Variants in CLEC4A observed in about 807,000 individuals in gnomAD.
CLEC4A encodes the protein C-type lectin domain family 4 member A.
In CLEC4A, 27 loss-of-function variants were observed where a neutral mutation model predicts 32.7. That is an observed-to-expected ratio of 0.83 (90% CI 0.61 to 1.14). CLEC4A has a LOEUF of 1.14. Ranked by LOEUF, CLEC4A falls within the 50% of genes most tolerant of loss-of-function variation. The probability of loss-of-function intolerance (pLI) is 0.00; values close to 1 mark genes in which losing one functional copy is unlikely to be tolerated. For missense variants in CLEC4A, 253 were observed against 274.6 expected, an observed-to-expected ratio of 0.92 and a Z score of 0.55; for synonymous variants, 89 against 93.7, an observed-to-expected ratio of 0.95 and a Z score of 0.29.
chr12:8,129,116 A>G (rs769875121), intron 2 of CLEC4A, 148 bp from the exon 3 acceptor site: 1 of 582,852 alleles, frequency 1.7e-6, no homozygotes, highest in South Asian at 2.1e-5. Flanking sequence ...AGAGATATCT[A>G]TAGTTTCAGT....
the CLEC4A span, among the ~76,000 whole-genome samples, chr12:8,109,598 G>A: frequency 6.6e-6 from 1 of 152,178 alleles, no homozygotes; most frequent in African/African-American, 2.4e-5. Flanking sequence ...CTTCTGTAAT[G>A]CCAGTGCTTT....
At chr12:8,115,864 C>T in the CLEC4A span, among the ~76,000 whole-genome samples, 2 of 152,114 alleles carry the variant, frequency 1.3e-5, no homozygotes, top group Non-Finnish European at 2.9e-5. Context: ...TCACAACTCA[C>T]TGCAGCCTCA....
chr12:8,129,689 G>A (rs1947963186), intron 3 of CLEC4A, among the ~76,000 whole-genome samples: 1 of 152,176 alleles, frequency 6.6e-6, no homozygotes, highest in East Asian at 1.9e-4. Context: ...TACTCGGGAG[G>A]CTGAGGCAGG....
chr12:8,131,721 T>A (rs1358386728), intron 3 of CLEC4A, among the ~76,000 whole-genome samples: 1 of 152,076 alleles, frequency 6.6e-6, no homozygotes, highest in African/African-American at 2.4e-5. Context: ...TCTATATAAT[T>A]TATTTGAAAT....
chr12:8,109,540 T>C, the CLEC4A span, among the ~76,000 whole-genome samples: 4 of 152,278 alleles, frequency 2.6e-5, no homozygotes, highest in Non-Finnish European at 4.4e-5. Context: ...TATTGTGACT[T>C]TAAAACAAAT....
At chr12:8,136,053 A>T (rs1033633157) in intron 4 of CLEC4A, among the ~76,000 whole-genome samples, 1 of 152,190 alleles carries the variant, frequency 6.6e-6, no homozygotes, top group Non-Finnish European at 1.5e-5. Context: ...CTTAACAAAG[A>T]AGAGGTATTA....
chr12:8,103,403 T>TTTTTTTTTTTTTTTTTTTTTC, the CLEC4A span, among the ~76,000 whole-genome samples: 1 of 141,026 alleles, frequency 7.1e-6, no homozygotes. Context: ...TTTTTTTTTT[T>TTTTTTTTTTTTTTTTTTTTTC]TTAGACGGAG....
At chr12:8,134,453 C>T in intron 3 of CLEC4A, 6 of 1,613,884 alleles carry the variant, frequency 3.7e-6, no homozygotes, top group South Asian at 1.1e-5. Flanking sequence ...GGGACTCCTC[C>T]GGGTTTTGCT....
At chr12:8,112,962 AT>A in the CLEC4A span, among the ~76,000 whole-genome samples, 5,177 of 151,478 alleles carry the variant, frequency 0.034, 294 homozygotes, top group African/African-American at 0.12. Flanking sequence ...TCCATTGTCC[AT>A]TTTTTTTTAT....
At chr12:8,103,371 C>CTTTTTTT in the CLEC4A span, among the ~76,000 whole-genome samples, 6 of 49,024 alleles carry the variant, frequency 1.2e-4, no homozygotes, top group South Asian at 6.9e-4. Context: ...TTGTTTCTTT[C>CTTTTTTT]TGTTGTTTTT....
At chr12:8,117,747 A>G in the CLEC4A span, among the ~76,000 whole-genome samples, 6 of 152,154 alleles carry the variant, frequency 3.9e-5, no homozygotes, top group Admixed American at 6.5e-5. Context: ...TCAAGTATTT[A>G]TGGTACAATT....
the CLEC4A span, among the ~76,000 whole-genome samples, chr12:8,111,324 C>T: frequency 4.0e-5 from 6 of 151,816 alleles, no homozygotes; most frequent in Admixed American, 2.6e-4. Context: ...GGATTACAGG[C>T]GTGCACCACC....
chr12:8,104,935 CATAGTGTATAT>C, the CLEC4A span, among the ~76,000 whole-genome samples: 1 of 152,084 alleles, frequency 6.6e-6, no homozygotes, highest in Non-Finnish European at 1.5e-5. Flanking sequence ...CATAGTATTC[CATAGTGTATAT>C]ATACCACATT....
At chr12:8,119,676 A>T (rs1337568112), upstream of CLEC4A, among the ~76,000 whole-genome samples, 1 of 152,262 alleles carries the variant, frequency 6.6e-6, no homozygotes, top group Non-Finnish European at 1.5e-5. Flanking sequence ...CATCATATCA[A>T]TATAAATAGT....
At chr12:8,107,509 G>A in the CLEC4A span, among the ~76,000 whole-genome samples, 1 of 152,062 alleles carries the variant, frequency 6.6e-6, no homozygotes, top group Non-Finnish European at 1.5e-5. Context: ...ACCTGGTCCT[G>A]GGCCTTTTCT....
At chr12:8,120,549 C>G (rs1318208093), upstream of CLEC4A, among the ~76,000 whole-genome samples, 6 of 152,194 alleles carry the variant, frequency 3.9e-5, no homozygotes, top group Non-Finnish European at 7.3e-5. Context: ...ACACTGTCAG[C>G]CTCTCAGAGT....
At chr12:8,118,396 A>T in the CLEC4A span, among the ~76,000 whole-genome samples, 1 of 5,924 alleles carries the variant, frequency 1.7e-4, no homozygotes, top group African/African-American at 1.7e-4. Context: ...GCACTGCTAT[A>T]AAAAAAAAAA....
At chr12:8,116,700 G>T in the CLEC4A span, among the ~76,000 whole-genome samples, 2 of 152,124 alleles carry the variant, frequency 1.3e-5, no homozygotes, top group African/African-American at 4.8e-5. Flanking sequence ...CTTCAATTTG[G>T]TTTTCCATCA....
the CLEC4A span, among the ~76,000 whole-genome samples, chr12:8,103,203 G>T: frequency 6.6e-6 from 1 of 151,836 alleles, no homozygotes; most frequent in African/African-American, 2.4e-5. Flanking sequence ...AGTAATGTTT[G>T]TGAAACAAAG....
Sources: gnomAD v4.1 joint callset for allele counts (sites outside exome capture counted in the v4.1 genomes callset) on GRCh38, gnomAD v4.1.1 for gene constraint, MANE v1.5 for transcripts, NCBI Gene and HGNC (gene_info 2026-07-23, HGNC 2026-07-21) for gene names.